The following NAV3 variants were observed in gnomAD, a reference collection of about 807,000 sequenced individuals.
The protein encoded by NAV3 is neuron navigator 3.
Under a neutral mutation model 244.7 loss-of-function variants are expected in NAV3, and 87 were observed. The ratio of observed to expected loss-of-function variants is 0.36; its 90% CI spans 0.30 to 0.42. The LOEUF (loss-of-function observed/expected upper bound fraction) is 0.42, where lower values mean the gene tolerates loss of function less well. Ranked by LOEUF, NAV3 falls within the 20% of genes least tolerant of loss-of-function variation. The pLI is 1.00. For synonymous variants in NAV3, 1,126 were observed against 1,042.2 expected (o/e 1.08, Z -1.55); for missense variants, 2,663 against 2,893.3 (o/e 0.92, Z 1.83).
intron 2 of NAV3, among the ~76,000 whole-genome samples, chr12:77,594,114 C>G (rs886628157): frequency 6.6e-6 from 1 of 151,972 alleles, no homozygotes; most frequent in Non-Finnish European, 1.5e-5. Flanking sequence ...CAACAAAAAA[C>G]CCTAATAAAT....
intron 2 of NAV3, among the ~76,000 whole-genome samples, chr12:77,739,011 CAAAAAAAAAAAAA>C (rs1168641355): frequency 1.1e-4 from 7 of 64,068 alleles, no homozygotes; most frequent in South Asian, 9.1e-4. Flanking sequence ...GACTCCGTCT[CAAAAAAAAAAAAA>C]AAAAAAAAAA....
chr12:78,052,987 G>C (rs1176026900), intron 11 of NAV3, among the ~76,000 whole-genome samples: 1 of 151,946 alleles, frequency 6.6e-6, no homozygotes, highest in Non-Finnish European at 1.5e-5. Flanking sequence ...GGGAAGCCAA[G>C]GCAGATGGAT....
chr12:78,193,109 G>A (rs996089992), intron 34 of NAV3, among the ~76,000 whole-genome samples: 6 of 152,178 alleles, frequency 3.9e-5, no homozygotes, highest in African/African-American at 7.2e-5. Flanking sequence ...TAGCACTGAA[G>A]AGACAAATCC....
intron 1 of NAV3, among the ~76,000 whole-genome samples, chr12:77,916,993 GTTAAA>G (rs1453936377): frequency 1.3e-5 from 2 of 151,798 alleles, no homozygotes; most frequent in Non-Finnish European, 2.9e-5. Context: ...TTAATTTAGT[GTTAAA>G]TTAACTAGTC....
chr12:77,772,679 T>G (rs576994126), intron 2 of NAV3, among the ~76,000 whole-genome samples: 3 of 152,170 alleles, frequency 2.0e-5, no homozygotes, highest in Non-Finnish European at 2.9e-5. Flanking sequence ...GAGGTTCTAT[T>G]TCTGTGGGTA....
At chr12:77,725,116 G>A (rs957120870) in intron 2 of NAV3, among the ~76,000 whole-genome samples, 3 of 152,052 alleles carry the variant, frequency 2.0e-5, no homozygotes, top group Middle Eastern at 3.4e-3. Flanking sequence ...GCATCTAGGC[G>A]ATACTGGTAT....
At chr12:77,908,017 A>AT (rs1368760036) in intron 1 of NAV3, among the ~76,000 whole-genome samples, 2 of 152,072 alleles carry the variant, frequency 1.3e-5, no homozygotes, top group Admixed American at 6.6e-5. Flanking sequence ...CTTCCATAAT[A>AT]TTTTTGAAAG....
rs571450825 is a variant in NAV3, at chr12:77,719,442, G to C, written c.72+147176G>C. On this transcript the variant is annotated intron_variant, in intron 2 of 8. Coordinates refer to the NAV3 transcript ENST00000550042. The stretch of plus-strand genomic sequence containing the variant: ...ACAGTTGAGTATGATTTTAGCTGTG[G>C]GTTTTTATATTGCTGTTTATTATTT... Among the ~76,000 whole-genome samples the C allele has an allele frequency of 3.5e-3, 534 of 151,396 alleles. 1 individual carries two copies. The highest frequency in any genetic ancestry group is 5.8e-3 in the Non-Finnish European group (391 of 67,774).
chr12:77,792,883 C>G (rs1871245475), intron 2 of NAV3, among the ~76,000 whole-genome samples: 1 of 152,118 alleles, frequency 6.6e-6, no homozygotes, highest in Non-Finnish European at 1.5e-5. Context: ...TCTGATCCCC[C>G]AATTACTACT....
intron 2 of NAV3, among the ~76,000 whole-genome samples, chr12:77,645,536 TAAA>T (rs756805711): frequency 3.2e-5 from 2 of 63,022 alleles, no homozygotes; most frequent in Admixed American, 1.8e-4. Flanking sequence ...TCTCTCTCTC[TAAA>T]AAAAAAAAAA....
chr12:78,123,753 TAGCAAATAAAA>T (rs1434292416), intron 16 of NAV3, among the ~76,000 whole-genome samples: 5 of 152,216 alleles, frequency 3.3e-5, no homozygotes, highest in African/African-American at 1.2e-4. Context: ...AGCTCAGTGA[TAGCAAATAAAA>T]TGTAACCATT....
chr12:77,652,806 A>T (rs1872886762), intron 2 of NAV3, among the ~76,000 whole-genome samples: 1 of 152,262 alleles, frequency 6.6e-6, no homozygotes, highest in African/African-American at 2.4e-5. Flanking sequence ...GGCTGGAAAA[A>T]TAGTAGAGCC....
chr12:77,863,006 C>T (rs545360103), intron 1 of NAV3, among the ~76,000 whole-genome samples: 1 of 151,488 alleles, frequency 6.6e-6, no homozygotes, highest in East Asian at 1.9e-4. Flanking sequence ...TTCTGAGTTC[C>T]CATTCTTCTT....
chr12:78,022,796 C>T (rs1185140730), intron 9 of NAV3, among the ~76,000 whole-genome samples: 1 of 152,128 alleles, frequency 6.6e-6, no homozygotes, highest in Non-Finnish European at 1.5e-5. Flanking sequence ...AAGCATTAGA[C>T]ATGACTACAG....
At chr12:77,861,498 T>C (rs1316272781) in intron 1 of NAV3, among the ~76,000 whole-genome samples, 1 of 151,912 alleles carries the variant, frequency 6.6e-6, no homozygotes, top group East Asian at 1.9e-4. Context: ...TGTTTCAACA[T>C]TGCAAGTAGA....
intron 2 of NAV3, among the ~76,000 whole-genome samples, chr12:77,714,824 T>C (rs1390905648): frequency 6.6e-6 from 1 of 152,094 alleles, no homozygotes; most frequent in African/African-American, 2.4e-5. Context: ...CCATTTCAAA[T>C]AGATTATAGA....
At chr12:77,782,739 T>C (rs1212214072) in intron 2 of NAV3, among the ~76,000 whole-genome samples, 2 of 152,164 alleles carry the variant, frequency 1.3e-5, no homozygotes, top group Non-Finnish European at 2.9e-5. Flanking sequence ...TCTAAGAAAA[T>C]CCTAGTGAGC....
In NAV3 at chr12:78,024,819, C is replaced by CA. The variant is rs1361061067; in HGVS notation, c.2023+2964dup. ...TGAGATGCCGTCTCTACTAAAAATACAAAAAAATAGCCAGGCATGGTGGCG... is the reference window on the plus strand; with the variant it reads ...TGAGATGCCGTCTCTACTAAAAATACAAAAAAAATAGCCAGGCATGGTGGCG... On this transcript the variant is annotated intron_variant, in intron 9 of 39. Transcript: ENST00000397909. Among the ~76,000 whole-genome samples, 7 of 151,784 alleles carry CA rather than the reference C, an allele frequency of 4.6e-5. No homozygotes were observed. The East Asian group carries it at 5.8e-4, about 13-fold the overall frequency.
intron 12 of NAV3, among the ~76,000 whole-genome samples, chr12:78,113,300 C>A (rs1195117846): frequency 2.0e-5 from 3 of 152,212 alleles, no homozygotes; most frequent in South Asian, 4.1e-4. Context: ...CTAGGCAGTA[C>A]CCCAGTGGGG....
Sources: allele counts gnomAD v4.1 joint callset (sites outside exome capture counted in the v4.1 genomes callset), GRCh38; gene constraint gnomAD v4.1.1; transcripts MANE v1.5; gene names NCBI Gene and HGNC (gene_info 2026-07-23, HGNC 2026-07-21).